GLIS1: variants seen among roughly 807,000 people sequenced by gnomAD.
GLIS1 encodes GLIS family zinc finger 1.
A neutral mutation model predicts 63.8 loss-of-function variants in GLIS1; 24 were observed. The observed-to-expected ratio is 0.38, with a 90% confidence interval of 0.27 to 0.53. The LOEUF is 0.53. GLIS1 is among the 20% of genes least tolerant of loss of function. GLIS1 has a pLI of 0.85. For missense variants in GLIS1, 1,036 were observed against 1,074.1 expected (o/e 0.96, Z 0.50); for synonymous variants, 450 against 482.5 (o/e 0.93, Z 0.88).
intron 2 of GLIS1, among the ~76,000 whole-genome samples, chr1:53,620,839 C>T (rs138325278): frequency 2.7e-3 from 404 of 152,330 alleles, no homozygotes; most frequent in African/African-American, 9.4e-3. Flanking sequence ...ATCCACTAAG[C>T]GACCTTCAGC....
chr1:53,622,360 G>A (rs994631406), intron 2 of GLIS1, among the ~76,000 whole-genome samples: 2 of 145,328 alleles, frequency 1.4e-5, no homozygotes, highest in African/African-American at 2.6e-5. Flanking sequence ...CCTGGGAGGC[G>A]AAGGTTGCAG....
intron 4 of GLIS1, among the ~76,000 whole-genome samples, chr1:53,550,907 A>G (rs1048266624): frequency 2.6e-5 from 4 of 151,944 alleles, no homozygotes; most frequent in Admixed American, 6.6e-5. Flanking sequence ...CTGGAGTGCA[A>G]TGGCGCGATC....
chr1:53,586,528 G>T (rs959917470), intron 4 of GLIS1, among the ~76,000 whole-genome samples: 1 of 152,126 alleles, frequency 6.6e-6, no homozygotes, highest in African/African-American at 2.4e-5. Context: ...TGTCCAGAAC[G>T]GCCAGGACCA....
chr1:53,510,276 T>C (rs1043938424), intron 8 of GLIS1, among the ~76,000 whole-genome samples: 1 of 152,234 alleles, frequency 6.6e-6, no homozygotes, highest in Non-Finnish European at 1.5e-5. Context: ...GGCACAACCT[T>C]TCCAGCTGAG....
chr1:53,509,302 A>G lies in GLIS1; in HGVS notation c.2063-15T>C. The G allele has an allele frequency of 1.9e-6, 3 of 1,555,046 alleles. No homozygotes were observed. Among genetic ancestry groups the G allele is most frequent in the South Asian group, 1.2e-5 (1 of 85,232 alleles). On this transcript the variant is annotated splice_polypyrimidine_tract_variant and intron_variant, in intron 9 of 10. Coordinates refer to ENST00000628545, the MANE Select transcript of GLIS1 (RefSeq NM_001367484.1). ...GCCCTGGTAACCTGCAGACGGGGGT[A>G]GCAGGGGCCGCGTTCACAAAGGAGA...
chr1:53,711,737 C>A (rs1197945433), intron 2 of GLIS1, among the ~76,000 whole-genome samples: 1 of 152,252 alleles, frequency 6.6e-6, no homozygotes, highest in Non-Finnish European at 1.5e-5. Context: ...ATAACCTTCA[C>A]AAGTAGCAGT....
rs1242477740 is a variant in GLIS1, at chr1:53,594,477, C to T, written c.951G>A (p.Ala317=). ...GSLQLEACRK[A]SFLKQEPADE... is the part of the protein sequence containing the mutation. ...CCGCGGGTTCCTGCTTCAGGAAGCT[C>T]GCCTTCCGGCAGGCTTCAAGTTGCA... The change falls in exon 4 of 11, where the codon GCG becomes GCA. Residue 317 remains alanine, a synonymous_variant. Transcript: ENST00000628545. The T allele has an allele frequency of 1.4e-5, 22 of 1,612,950 alleles. No individual in the cohort carries two copies. In the East Asian group the frequency reaches 4.0e-4, roughly 29 times the overall value.
intron 2 of GLIS1, among the ~76,000 whole-genome samples, chr1:53,657,224 A>T (rs1295636244): frequency 1.3e-5 from 2 of 152,128 alleles, no homozygotes; most frequent in Non-Finnish European, 2.9e-5. Context: ...GGTGTATGTA[A>T]TGGGTCAGTG....
At chr1:53,531,762 G>C (rs1266757486) in intron 4 of GLIS1, among the ~76,000 whole-genome samples, 1 of 152,214 alleles carries the variant, frequency 6.6e-6, no homozygotes, top group Non-Finnish European at 1.5e-5. Context: ...TGGGCCGCGA[G>C]CTGCTTCCAC....
In GLIS1 at chr1:53,737,812, C is replaced by A. The variant is rs1646925527; in HGVS notation, c.253G>T (p.Gly85Trp). The A allele has an allele frequency of 8.1e-7, 1 of 1,230,644 alleles. No individual in the cohort carries two copies. The highest frequency in any genetic ancestry group is 4.2e-5 in the Admixed American group (1 of 23,702). 76.2% of individuals were successfully genotyped at this position (1,230,644 alleles called of 1,614,324 possible). ...TTGGCAGGGCCGAACTCACCCTTCC[C>A]GGCGGCGGCGGCCTTGGATGGACCG... ...DYGPSKAAAA[G>W]KVNGSYGHRT... is the part of the protein sequence containing the mutation. The change falls in exon 2 of 11, where the codon GGG (glycine) becomes TGG (tryptophan). Residue 85 changes from glycine to tryptophan, a missense_variant. Transcript: ENST00000628545.
chr1:53,557,662 C>T (rs1258801613), intron 4 of GLIS1, among the ~76,000 whole-genome samples: 1 of 152,166 alleles, frequency 6.6e-6, no homozygotes, highest in Non-Finnish European at 1.5e-5. Context: ...CACATGGTGT[C>T]GTTGAGCAGC....
At chr1:53,524,968 G>A in intron 5 of GLIS1, 81 bp from the exon 6 acceptor site, 4 of 1,059,502 alleles carry the variant, frequency 3.8e-6, no homozygotes, top group Non-Finnish European at 5.7e-6. Context: ...GCTGTGGGGA[G>A]GTGACCAGGC....
intron 8 of GLIS1, 77 bp from the exon 9 acceptor site, chr1:53,510,104 C>T: frequency 7.3e-6 from 6 of 820,372 alleles, no homozygotes; most frequent in Non-Finnish European, 8.3e-6. Context: ...CTGCGGCTTA[C>T]ACCCCTCCAG....
At chr1:53,524,995 G>A (rs1644451075) in intron 5 of GLIS1, 108 bp from the exon 6 acceptor site, 5 of 811,820 alleles carry the variant, frequency 6.2e-6, no homozygotes, top group Non-Finnish European at 1.0e-5. Flanking sequence ...CTGGCTGCAG[G>A]CCAAGAGTAC....
intron 7 of GLIS1, 26 bp downstream of exon 7, chr1:53,520,608 C>T (rs1644397354): frequency 6.3e-7 from 1 of 1,590,638 alleles, no homozygotes; most frequent in Non-Finnish European, 8.6e-7. Context: ...GGCTACGCCC[C>T]TGGCCCTGCC....
At chr1:53,582,218 G>A (rs1400649129) in intron 4 of GLIS1, among the ~76,000 whole-genome samples, 3 of 152,224 alleles carry the variant, frequency 2.0e-5, no homozygotes, top group Non-Finnish European at 4.4e-5. Context: ...GAGGCTGGCA[G>A]AGCCAGGCAG....
chr1:53,671,456 T>C (rs1646150934), intron 2 of GLIS1, among the ~76,000 whole-genome samples: 2 of 152,052 alleles, frequency 1.3e-5, no homozygotes, highest in African/African-American at 4.8e-5. Flanking sequence ...TGGAGAAGAG[T>C]GCCCAAGGCA....
At chr1:53,508,186 C>T (rs1227627202) in intron 10 of GLIS1, among the ~76,000 whole-genome samples, 1 of 152,204 alleles carries the variant, frequency 6.6e-6, no homozygotes, top group Non-Finnish European at 1.5e-5. Context: ...GAGTGCAGCC[C>T]TGCCAGCTCC....
In GLIS1 at chr1:53,509,233, T is replaced by C. The variant is rs752108105; in HGVS notation, c.2117A>G (p.Tyr706Cys). 2 of 1,595,882 alleles carry C rather than the reference T, an allele frequency of 1.3e-6. No individual in the cohort carries two copies. Among genetic ancestry groups the C allele is most frequent in the Non-Finnish European group, 1.7e-6 (2 of 1,171,626 alleles). ...IQSCFPYGDC[Y>C]RMAEPAAGGD... ...ACCGGCTGCTGGTTCAGCCATCCGGTAGCAGTCGCCATAGGGGAAGCAACT... is the reference window on the plus strand; with the variant it reads ...ACCGGCTGCTGGTTCAGCCATCCGGCAGCAGTCGCCATAGGGGAAGCAACT... Residue 706 changes from tyrosine (Y) to cysteine (C), a missense_variant, in exon 10 of 11, where the codon TAC becomes TGC. By Grantham distance (194) the Tyr-to-Cys change is radical (BLOSUM62 -2). Coordinates refer to ENST00000628545, the MANE Select transcript of GLIS1 (RefSeq NM_001367484.1).
Sources: gnomAD v4.1 joint callset for allele counts (sites outside exome capture counted in the v4.1 genomes callset) on GRCh38, gnomAD v4.1.1 for gene constraint, MANE v1.5 for transcripts, NCBI Gene and HGNC (gene_info 2026-07-23, HGNC 2026-07-21) for gene names.